The following GMDS variants were observed in gnomAD, a reference collection of about 807,000 sequenced individuals.
GMDS encodes GDP-mannose 4,6 dehydratase.
A neutral mutation model predicts 49.9 loss-of-function variants in GMDS; 20 were observed. The ratio of observed to expected loss-of-function variants is 0.40; its 90% CI spans 0.28 to 0.58. GMDS has a LOEUF of 0.58. Ranked by LOEUF, GMDS falls within the 20% of genes least tolerant of loss-of-function variation. The pLI is 0.42. For missense variants in GMDS, 362 were observed against 481.4 expected (o/e 0.75, Z 2.32); for synonymous variants, 177 against 178.6 (o/e 0.99, Z 0.07).
intron 9 of GMDS, among the ~76,000 whole-genome samples, chr6:1,696,505 T>C (rs189818733): frequency 6.6e-6 from 1 of 152,244 alleles, no homozygotes; most frequent in Non-Finnish European, 1.5e-5. Flanking sequence ...ACCTCTCTTT[T>C]GGAATAACAG....
chr6:1,699,542 C>T (rs1470524600), intron 9 of GMDS, among the ~76,000 whole-genome samples: 1 of 152,134 alleles, frequency 6.6e-6, no homozygotes, highest in Non-Finnish European at 1.5e-5. Flanking sequence ...AGAACCCGTT[C>T]CCTTGCCTTG....
chr6:1,699,162 C>T (rs570348533), intron 9 of GMDS, among the ~76,000 whole-genome samples: 12 of 152,218 alleles, frequency 7.9e-5, no homozygotes, highest in Admixed American at 7.8e-4. Flanking sequence ...CTTCTGTCCC[C>T]CATGGAGGCA....
rs557530429 is a variant in GMDS, at chr6:2,040,077, T to C, written c.345+75694A>G. On this transcript the variant is annotated intron_variant, in intron 4 of 10. Coordinates refer to ENST00000380815, the MANE Select transcript of GMDS (RefSeq NM_001500.4). ...TATAATCTTATGGTGCCACTGTATATCCAGTCCTTCATTGACCAAAATGCG... is the reference window on the plus strand; with the variant it reads ...TATAATCTTATGGTGCCACTGTATACCCAGTCCTTCATTGACCAAAATGCG... 2.0e-5 allele frequency among the ~76,000 whole-genome samples: 3 copies of C among 152,352 alleles called. No individual in the cohort carries two copies. In the East Asian group the frequency reaches 5.8e-4, roughly 29 times the overall value.
Position 1,883,357 on chromosome 6 carries a change from C to T in GMDS, c.771+46746G>A, listed in dbSNP as rs535852619. Among the ~76,000 whole-genome samples the T allele has an allele frequency of 3.3e-5, 5 of 152,014 alleles. No individual in the cohort carries two copies. The South Asian group carries it at 1.0e-3, about 32-fold the overall frequency. ...AGTGAGCCAAGATCGTGCCACTGCA[C>T]TCCAGCCTAATGACAAAGCGAGACT... On this transcript the variant is annotated intron_variant, in intron 7 of 10. Transcript: ENST00000380815.
chr6:1,717,961 T>TA (rs1313813861), intron 9 of GMDS, among the ~76,000 whole-genome samples: 8 of 152,208 alleles, frequency 5.3e-5, no homozygotes, highest in African/African-American at 1.9e-4. Flanking sequence ...ATCTGCCAAT[T>TA]AATGTAACTC....
intron 6 of GMDS, among the ~76,000 whole-genome samples, chr6:1,933,501 C>T (rs1561902595): frequency 6.6e-6 from 1 of 152,206 alleles, no homozygotes; most frequent in Non-Finnish European, 1.5e-5. Flanking sequence ...GGTAACAGGG[C>T]TCTGATTTCT....
intron 7 of GMDS, among the ~76,000 whole-genome samples, chr6:1,813,112 C>T (rs536824271): frequency 2.0e-5 from 3 of 151,012 alleles, no homozygotes; most frequent in Non-Finnish European, 2.9e-5. Flanking sequence ...GTCCCAGCTA[C>T]TCAGGAGGCT....
intron 4 of GMDS, among the ~76,000 whole-genome samples, chr6:2,016,745 C>T (rs76561027): frequency 0.014 from 2,082 of 152,008 alleles, 50 homozygotes; most frequent in African/African-American, 0.049. Flanking sequence ...ACAATAGAAT[C>T]AAACTATAAA....
intron 1 of GMDS, among the ~76,000 whole-genome samples, chr6:2,241,485 C>A (rs1781611639): frequency 6.6e-6 from 1 of 152,226 alleles, no homozygotes; most frequent in Non-Finnish European, 1.5e-5. Context: ...CCCTCCAAAT[C>A]TCACACTGAA....
At chr6:1,797,223 T>C (rs143846821) in intron 7 of GMDS, among the ~76,000 whole-genome samples, 5 of 152,320 alleles carry the variant, frequency 3.3e-5, no homozygotes, top group African/African-American at 1.2e-4. Flanking sequence ...TATGAAACTC[T>C]AATGCTTGAT....
rs1338493736 is a variant in GMDS at position 1,635,436 on chromosome 6, C to A, written c.988-10896G>T. Among the ~76,000 whole-genome samples, 2 of 152,294 alleles carry A rather than the reference C, an allele frequency of 1.3e-5. No individual in the cohort carries two copies. The highest frequency in any genetic ancestry group is 2.1e-4 in the South Asian group (1 of 4,826). The stretch of plus-strand genomic sequence containing the variant: ...CAGCAGGAGGAAGTCCGAGAGGGGG[C>A]CTTTCACATGACATCATAAAAGCCT... On this transcript the variant is annotated intron_variant, in intron 9 of 10. Transcript: ENST00000380815. This position sits in a 1 kb window ranked among gnomAD's most constrained non-coding sequence, Gnocchi z 4.7.
intron 7 of GMDS, among the ~76,000 whole-genome samples, chr6:1,780,717 C>A (rs749679809): frequency 1.2e-4 from 18 of 152,208 alleles, no homozygotes; most frequent in Non-Finnish European, 2.2e-4. Flanking sequence ...CTGCCACCTC[C>A]CCAGGCTGCA....
chr6:2,222,708 G>A (rs900172014), intron 1 of GMDS, among the ~76,000 whole-genome samples: 17 of 152,124 alleles, frequency 1.1e-4, no homozygotes, highest in African/African-American at 2.7e-4. Context: ...GTTTCCAGGC[G>A]GTCAGTAGGC....
At chr6:1,660,649 G>C (rs1286328024) in intron 9 of GMDS, among the ~76,000 whole-genome samples, 1 of 150,636 alleles carries the variant, frequency 6.6e-6, no homozygotes, top group Non-Finnish European at 1.5e-5. Context: ...TGCGAGACGC[G>C]GGGATGCAGA....
intron 9 of GMDS, among the ~76,000 whole-genome samples, chr6:1,680,756 T>C (rs183606842): frequency 2.0e-5 from 3 of 152,340 alleles, no homozygotes; most frequent in Non-Finnish European, 4.4e-5. Flanking sequence ...CATGTGCCCA[T>C]TGAACAAACC....
At chr6:2,056,453 T>C (rs1385838613) in intron 4 of GMDS, among the ~76,000 whole-genome samples, 2 of 152,176 alleles carry the variant, frequency 1.3e-5, no homozygotes, top group Admixed American at 1.3e-4. Flanking sequence ...GCCTCAAATC[T>C]GCACAAGAAT....
chr6:2,069,890 C>T (rs1044986660), intron 4 of GMDS, among the ~76,000 whole-genome samples: 1 of 152,078 alleles, frequency 6.6e-6, no homozygotes, highest in South Asian at 2.1e-4. Flanking sequence ...ATTAGAAATA[C>T]CATTTGACCC....
chr6:1,699,633 T>G (rs894549507), intron 9 of GMDS, among the ~76,000 whole-genome samples: 5 of 152,068 alleles, frequency 3.3e-5, no homozygotes, highest in African/African-American at 1.2e-4. Flanking sequence ...TCTTCACTGC[T>G]CCTTTTCTGA....
chr6:1,998,933 G>A (rs1405573633), intron 4 of GMDS, among the ~76,000 whole-genome samples: 2 of 152,032 alleles, frequency 1.3e-5, no homozygotes, highest in African/African-American at 4.8e-5. Context: ...TATTACTTGG[G>A]AAATACTTCA....
Sources: gnomAD v4.1 joint callset for allele counts (sites outside exome capture counted in the v4.1 genomes callset) on GRCh38, gnomAD v4.1.1 for gene constraint, Gnocchi (gnomAD v3.1) non-coding constraint, MANE v1.5 for transcripts, NCBI Gene and HGNC (gene_info 2026-07-23, HGNC 2026-07-21) for gene names.